Variants in SPON1 observed in about 807,000 individuals in gnomAD.
SPON1 encodes spondin 1.
Under a neutral mutation model 111.7 loss-of-function variants are expected in SPON1, and 52 were observed. The ratio of observed to expected loss-of-function variants is 0.47; its 90% CI spans 0.37 to 0.59. SPON1 has a LOEUF of 0.59. Among genes scored for constraint, SPON1 ranks in the 20% least tolerant of loss-of-function variants. The pLI is 0.00. For missense variants in SPON1, 957 were observed against 1,068.5 expected, an observed-to-expected ratio of 0.90 and a Z score of 1.46; for synonymous variants, 410 against 395.8, an observed-to-expected ratio of 1.04 and a Z score of -0.43.
intron 2 of SPON1, among the ~76,000 whole-genome samples, chr11:14,021,610 C>T (rs1382579530): frequency 6.6e-6 from 1 of 152,162 alleles, no homozygotes; most frequent in East Asian, 1.9e-4. Flanking sequence ...AATTGCAGGG[C>T]ATTTTGGTGC....
At chr11:14,250,231 T>C (rs1202280114) in intron 7 of SPON1, among the ~76,000 whole-genome samples, 3 of 152,214 alleles carry the variant, frequency 2.0e-5, no homozygotes, top group Admixed American at 2.0e-4. Context: ...AAGGTCTTCG[T>C]TGATAGATAA....
At position 14,256,772 on chromosome 11, in the gene SPON1, A is replaced by G. The variant is rs1360078480; in HGVS notation, c.1309+80A>G. On this transcript the variant is annotated intron_variant, in intron 10 of 15. Transcript: ENST00000576479. Reference sequence around the variant, plus strand: ...GAAAGCAATTTGCTAACCTGTTTTAAGAACCATAAACCATGTGCTTTGACT... The same window carrying G: ...GAAAGCAATTTGCTAACCTGTTTTAGGAACCATAAACCATGTGCTTTGACT... 5 of 1,082,630 alleles carry G rather than the reference A, an allele frequency of 4.6e-6. No homozygotes were observed. The African/African-American group carries it at 7.8e-5, about 17-fold the overall frequency. 67.1% of individuals were successfully genotyped at this position (1,082,630 alleles called of 1,614,324 possible).
rs58661236 is a variant in SPON1, at chr11:14,132,277, C to CAA, written c.677-3131_677-3130dup. 3.8e-3 allele frequency among the ~76,000 whole-genome samples: 529 copies of CAA among 137,840 alleles called. 3 individuals are homozygous for CAA. Among genetic ancestry groups the CAA allele is most frequent in the African/African-American group, 0.014 (507 of 37,128 alleles). The allele number at this position is 137,840 out of a possible 152,430, so 90.4% of individuals were successfully genotyped here. ...CAGGCAACAGTACAAGACTCCGTCTCAAAAAAAAAAAAATTGAATTAATAT... is the reference window on the plus strand; with the variant it reads ...CAGGCAACAGTACAAGACTCCGTCTCAAAAAAAAAAAAAAATTGAATTAATAT... On this transcript the variant is annotated intron_variant, in intron 5 of 15. Transcript: ENST00000576479.
Position 14,109,485 on chromosome 11 carries a change from A to C in SPON1, c.677-25935A>C, listed in dbSNP as rs185015287. Among the ~76,000 whole-genome samples, 451 of 152,344 alleles carry C rather than the reference A, an allele frequency of 3.0e-3. 1 individual carries two copies. The highest frequency in any genetic ancestry group is 0.01 in the African/African-American group (431 of 41,582). ...AAATTCATTCAGTCACCAGCTTTGA[A>C]ACTACGGTTCTTGCAATTTTTTAAT... On this transcript the variant is annotated intron_variant, in intron 5 of 15. Coordinates refer to ENST00000576479, the MANE Select transcript of SPON1 (RefSeq NM_006108.4).
chr11:14,261,206 G>C (rs1049138083), intron 14 of SPON1, among the ~76,000 whole-genome samples: 1 of 152,126 alleles, frequency 6.6e-6, no homozygotes, highest in Non-Finnish European at 1.5e-5. Context: ...AACAAGCCAA[G>C]TTCTCAAAAA....
chr11:14,245,130 A>G (rs1385091511), intron 7 of SPON1, among the ~76,000 whole-genome samples: 2 of 152,202 alleles, frequency 1.3e-5, no homozygotes, highest in African/African-American at 4.8e-5. Flanking sequence ...AAAAGGCGAA[A>G]TCCACAGGAT....
intron 6 of SPON1, among the ~76,000 whole-genome samples, chr11:14,161,199 A>ATAT (rs1564920105): frequency 1.0e-5 from 1 of 96,512 alleles, no homozygotes; most frequent in African/African-American, 4.3e-5. Context: ...ATCTATATAT[A>ATAT]TTTATATATT....
chr11:13,992,429 T>A (rs1172964619), intron 2 of SPON1, among the ~76,000 whole-genome samples: 2 of 152,132 alleles, frequency 1.3e-5, no homozygotes, highest in East Asian at 3.9e-4. Context: ...GCGTCCCAGG[T>A]CCATCTCAGA....
chr11:13,996,345 G>A (rs114704722), intron 2 of SPON1, among the ~76,000 whole-genome samples: 67 of 152,300 alleles, frequency 4.4e-4, no homozygotes, highest in African/African-American at 1.4e-3. Flanking sequence ...TAAAATTGCC[G>A]TGTGAAAAGT....
chr11:14,236,017 CAGG>C (rs1848862242), intron 6 of SPON1, among the ~76,000 whole-genome samples: 1 of 152,112 alleles, frequency 6.6e-6, no homozygotes, highest in Non-Finnish European at 1.5e-5. Flanking sequence ...AGATGAGGCT[CAGG>C]AGGACAGGCA....
At chr11:14,246,677 C>G (rs889105564) in intron 7 of SPON1, among the ~76,000 whole-genome samples, 13 of 152,054 alleles carry the variant, frequency 8.5e-5, no homozygotes, top group African/African-American at 3.1e-4. Context: ...ATAGGAGGGT[C>G]CCCCCAAAAA....
At chr11:14,199,301 T>C (rs572050666) in intron 6 of SPON1, among the ~76,000 whole-genome samples, 1 of 152,318 alleles carries the variant, frequency 6.6e-6, no homozygotes, top group South Asian at 2.1e-4. Flanking sequence ...CATTGCTTTA[T>C]ACAAAAACTC....
intron 3 of SPON1, among the ~76,000 whole-genome samples, chr11:14,059,387 G>C (rs1467313536): frequency 1.3e-5 from 2 of 152,172 alleles, no homozygotes; most frequent in Non-Finnish European, 2.9e-5. Context: ...TGTAAAAGGT[G>C]AAAAAGGCTC....
At chr11:13,994,481 T>G (rs1848255430) in intron 2 of SPON1, among the ~76,000 whole-genome samples, 1 of 152,106 alleles carries the variant, frequency 6.6e-6, no homozygotes, top group Non-Finnish European at 1.5e-5. Context: ...CAAAATGGAA[T>G]ATGGGCATTC....
chr11:13,996,407 C>T (rs1848272731), intron 2 of SPON1, among the ~76,000 whole-genome samples: 1 of 152,214 alleles, frequency 6.6e-6, no homozygotes, highest in South Asian at 2.1e-4. Context: ...CTGGAATGGA[C>T]ATTGGGTCCT....
At chr11:14,157,874 C>T (rs1455626878) in intron 6 of SPON1, among the ~76,000 whole-genome samples, 1 of 151,276 alleles carries the variant, frequency 6.6e-6, no homozygotes, top group Non-Finnish European at 1.5e-5. Flanking sequence ...TTAGAAATTC[C>T]AGTTTGTTGC....
At chr11:14,009,013 G>A (rs1848384763) in intron 2 of SPON1, among the ~76,000 whole-genome samples, 1 of 152,120 alleles carries the variant, frequency 6.6e-6, no homozygotes, top group African/African-American at 2.4e-5. Context: ...GACGACCATA[G>A]TAACCTTTCT....
At chr11:14,163,937 C>G (rs1379381242) in intron 6 of SPON1, among the ~76,000 whole-genome samples, 1 of 152,110 alleles carries the variant, frequency 6.6e-6, no homozygotes, top group Admixed American at 6.5e-5. Context: ...GACTTGTGCT[C>G]TAAAGCCCTT....
chr11:13,962,884 A>C lies in SPON1; in HGVS notation c.-21A>C. On this transcript the variant is annotated 5_prime_UTR_variant, in exon 1 of 16. Transcript: ENST00000576479. ...CGTGGCGAAGGCCTGCGGCCGCGGC[A>C]CAAAGTTGGGGGCCGCGAAGATGAG... The C allele has an allele frequency of 2.1e-6, 3 of 1,459,450 alleles. No homozygotes were observed. Among genetic ancestry groups the C allele is most frequent in the Non-Finnish European group, 2.7e-6 (3 of 1,111,486 alleles). 90.4% of individuals were successfully genotyped at this position (1,459,450 alleles called of 1,614,324 possible). A position where few individuals can be genotyped will look rare whatever the true frequency, so the allele number is the denominator to read the frequency against.
Sources: gnomAD v4.1 joint callset for allele counts (sites outside exome capture counted in the v4.1 genomes callset) on GRCh38, gnomAD v4.1.1 for gene constraint, MANE v1.5 for transcripts, NCBI Gene and HGNC (gene_info 2026-07-23, HGNC 2026-07-21) for gene names.